CMC4: variants seen among roughly 807,000 people sequenced by gnomAD.
The protein encoded by CMC4 is cx9C motif-containing protein 4.
CMC4 carries 4 observed loss-of-function variants against 5.1 expected under a neutral mutation model. The observed-to-expected ratio is 0.78, with a 90% CI of 0.38 to 1.78. CMC4 has a LOEUF of 1.78. CMC4 is among the 40% of genes most tolerant of loss of function. CMC4 has a pLI of 0.04. For synonymous variants in CMC4, 23 were observed against 18.9 expected (o/e 1.22, Z -0.57); for missense variants, 52 against 51.3 (o/e 1.01, Z -0.04).
chrX:155,063,508 G>A (rs1557291773), intron 2 of CMC4, among the ~76,000 whole-genome samples: 3 of 112,020 alleles, frequency 2.7e-5, no homozygotes, highest in Non-Finnish European at 3.8e-5. Context: ...TGCTTTAGTC[G>A]AGATTCACTT....
At chrX:155,064,211 T>C in intron 1 of CMC4, 178 bp from the exon 2 acceptor site, 1 of 334,049 alleles carries the variant, frequency 3.0e-6, no homozygotes, top group East Asian at 4.9e-5. Context: ...ATAATATCCA[T>C]TTCATTAGGC....
At position 155,069,779 on chromosome X, in the gene CMC4, A is replaced by G. The variant is rs782592384; in HGVS notation, c.-11+915T>C. On this transcript the variant is annotated intron_variant, in intron 1 of 2. Coordinates refer to ENST00000369484, the MANE Select transcript of CMC4 (RefSeq NM_001018024.3). ...GGCAGCCATGAGCATTAGAAAAGTTAGTGAACCTCATTCTGGAATATGAGA... is the reference window on the plus strand; with the variant it reads ...GGCAGCCATGAGCATTAGAAAAGTTGGTGAACCTCATTCTGGAATATGAGA... Among the ~76,000 whole-genome samples, 72 of 112,338 alleles carry G rather than the reference A, an allele frequency of 6.4e-4. 1 individual carries two copies. Among genetic ancestry groups the G allele is most frequent in the Non-Finnish European group, 4.5e-4 (24 of 53,288 alleles).
intron 2 of CMC4, among the ~76,000 whole-genome samples, chrX:155,063,198 T>C (rs2073934985): frequency 1.8e-5 from 2 of 112,114 alleles, no homozygotes; most frequent in African/African-American, 6.5e-5. Context: ...AAATGAAAAG[T>C]CCAAGAATGA....
intron 2 of CMC4, 141 bp downstream of exon 2, chrX:155,063,825 G>A: frequency 2.0e-6 from 1 of 498,959 alleles, no homozygotes; most frequent in Non-Finnish European, 3.3e-6. Context: ...CATCTTTGAT[G>A]ATACAATGAA....
chrX:155,062,867 G>A (rs1557291724), intron 2 of CMC4, among the ~76,000 whole-genome samples: 1 of 111,330 alleles, frequency 9.0e-6, no homozygotes, highest in East Asian at 2.8e-4. Flanking sequence ...TATGAAATGG[G>A]GGTCATAGTA....
intron 1 of CMC4, chrX:155,064,286 C>G (rs894036701): frequency 1.3e-5 from 3 of 224,467 alleles, no homozygotes; most frequent in Non-Finnish European, 2.4e-5. Context: ...TTTTTGAATA[C>G]TGTAAACCAA....
chrX:155,069,360 C>T (rs2073960606), intron 1 of CMC4, among the ~76,000 whole-genome samples: 1 of 112,586 alleles, frequency 8.9e-6, no homozygotes, highest in Non-Finnish European at 1.9e-5. Flanking sequence ...CTGTCACTTA[C>T]TAGCTTTGTG....
chrX:155,064,529 T>C lies in CMC4; in HGVS notation c.-10-496A>G, dbSNP rs1247582916. 3 of 112,600 alleles carry C rather than the reference T, an allele frequency of 2.7e-5. No individual in the cohort carries two copies. In the East Asian group the frequency reaches 8.3e-4, roughly 31 times the overall value. The allele number at this position is 112,600 out of a possible 1,213,427, so 9.3% of individuals were successfully genotyped here. ...AGCTATTATTCCCAAGACTTTTTTT[T>C]TTAAAGTAAAACCTTACTTTTAATG... On this transcript the variant is annotated intron_variant, in intron 1 of 2. Coordinates refer to ENST00000369484, the MANE Select transcript of CMC4 (RefSeq NM_001018024.3).
At position 155,064,038 on chromosome X, in the gene CMC4, A is replaced by G. The variant is rs1372215813; in HGVS notation, c.-10-5T>C. 3 of 1,176,315 alleles carry G rather than the reference A, an allele frequency of 2.6e-6. No individual in the cohort carries two copies. The highest frequency in any genetic ancestry group is 3.6e-5 in the African/African-American group (2 of 55,718). ...TTCTGCGGCATATCCAGAAAACTAA[A>G]ACAAGAAAAATGATTTTTATTTTTC... is the stretch of plus-strand genomic sequence containing the variant. On this transcript the variant is annotated splice_region_variant and splice_polypyrimidine_tract_variant and intron_variant, in intron 1 of 2. Coordinates refer to ENST00000369484, the MANE Select transcript of CMC4 (RefSeq NM_001018024.3).
At chrX:155,062,782 C>T (rs1465525119) in intron 2 of CMC4, among the ~76,000 whole-genome samples, 1 of 111,538 alleles carries the variant, frequency 9.0e-6, no homozygotes, top group Non-Finnish European at 1.9e-5. Context: ...GGGGGGTGTT[C>T]AAATTCCCAC....
chrX:155,069,813 C>T (rs2073963692), intron 1 of CMC4, among the ~76,000 whole-genome samples: 1 of 111,961 alleles, frequency 8.9e-6, no homozygotes, highest in Non-Finnish European at 1.9e-5. Flanking sequence ...GATTGACTAC[C>T]GCCGATAACA....
intron 1 of CMC4, chrX:155,065,568 T>C: frequency 8.3e-7 from 1 of 1,208,892 alleles, no homozygotes; most frequent in East Asian, 3.0e-5. Context: ...TATGGAGTAC[T>C]CTGTTACGAG....
chrX:155,066,718 T>G (rs939985993), intron 1 of CMC4, among the ~76,000 whole-genome samples: 5 of 112,429 alleles, frequency 4.4e-5, no homozygotes, highest in African/African-American at 1.6e-4. Context: ...GGGATCATGC[T>G]GATTTGGAGC....
intron 1 of CMC4, chrX:155,066,182 AC>A (rs781980243): frequency 7.8e-5 from 33 of 420,655 alleles, no homozygotes; most frequent in Non-Finnish European, 1.3e-4. Context: ...TATTTGCACA[AC>A]CTAAATAGAA....
At chrX:155,069,046 AAGAC>A (rs1324376098) in intron 1 of CMC4, among the ~76,000 whole-genome samples, 1 of 112,752 alleles carries the variant, frequency 8.9e-6, no homozygotes, top group Non-Finnish European at 1.9e-5. Flanking sequence ...CACACTGGCC[AAGAC>A]AGACAATTTC....
At chrX:155,069,186 T>C (rs1275579944) in intron 1 of CMC4, among the ~76,000 whole-genome samples, 1 of 113,083 alleles carries the variant, frequency 8.8e-6, no homozygotes, top group Non-Finnish European at 1.9e-5. Flanking sequence ...TGTGTCTTTT[T>C]TAAAAAAGTA....
At chrX:155,063,862 C>T in intron 2 of CMC4, 104 bp downstream of exon 2, 4 of 601,108 alleles carry the variant, frequency 6.7e-6, no homozygotes, top group East Asian at 3.7e-5. Flanking sequence ...ATTACATATA[C>T]GTTACATTCT....
intron 1 of CMC4, among the ~76,000 whole-genome samples, chrX:155,069,162 A>G (rs2073959925): frequency 8.8e-6 from 1 of 113,127 alleles, no homozygotes; most frequent in Admixed American, 9.3e-5. Context: ...TTTCCTTTAC[A>G]GAATAAATTC....
chrX:155,067,568 T>C (rs1461548359), intron 1 of CMC4, among the ~76,000 whole-genome samples: 3 of 112,323 alleles, frequency 2.7e-5, no homozygotes, highest in African/African-American at 9.7e-5. Context: ...CTTAGTGCTA[T>C]TATAGCAGAG....
Sources: gnomAD v4.1 joint callset for allele counts (sites outside exome capture counted in the v4.1 genomes callset) on GRCh38, gnomAD v4.1.1 for gene constraint, MANE v1.5 for transcripts, NCBI Gene and HGNC (gene_info 2026-07-23, HGNC 2026-07-21) for gene names.